CSHL1: variants seen among roughly 807,000 people sequenced by gnomAD.
CSHL1 encodes the protein chorionic somatomammotropin hormone like 1.
A neutral mutation model predicts 24.3 loss-of-function variants in CSHL1; 25 were observed. The observed-to-expected ratio is 1.03, with a 90% CI of 0.75 to 1.44. The LOEUF is 1.44. Ranked by LOEUF, CSHL1 falls within the 40% of genes most tolerant of loss-of-function variation. The pLI is 0.00. For missense variants in CSHL1, 342 were observed against 279.3 expected (o/e 1.22, Z -1.60); for synonymous variants, 157 against 115.6 (o/e 1.36, Z -2.30).
rs79392599 is a variant in CSHL1, at chr17:63,909,749, C to G, written c.631G>C (p.Val211Leu). The G allele has an allele frequency of 1.7e-5, 28 of 1,614,094 alleles. No homozygotes were observed. The highest frequency in any genetic ancestry group is 2.3e-5 in the Non-Finnish European group (27 of 1,180,018). Residue 211 changes from valine to leucine, a missense_variant, in exon 5 of 5, where the codon GTG becomes CTG. Coordinates refer to ENST00000309894, the MANE Select transcript of CSHL1 (RefSeq NM_022579.3). ...MDKVETFLRM[V>L]QCRSVEGSCG... Reference sequence around the variant, plus strand: ...CTGCCCTCCACAGAGCGGCACTGCACCATGCGCAGGAATGTCTCGACCTTG... The same window carrying G: ...CTGCCCTCCACAGAGCGGCACTGCAGCATGCGCAGGAATGTCTCGACCTTG...
In CSHL1 at chr17:63,910,551, A is replaced by AC. The variant is rs1055509378; in HGVS notation, c.191-17dup. 10 of 1,613,794 alleles carry AC rather than the reference A, an allele frequency of 6.2e-6. No individual in the cohort carries two copies. The highest frequency in any genetic ancestry group is 1.6e-4 in the Middle Eastern group (1 of 6,062). On this transcript the variant is annotated splice_polypyrimidine_tract_variant and intron_variant, in intron 2 of 4. Transcript: ENST00000309894. ...ATATAGGCTTCTTCCTAGGGGAAGG[A>AC]CCCCCCACCAAGAAGGACCACTGCT...
Position 63,910,406 on chromosome 17 carries a change from C to G in CSHL1, c.306+14G>C. The G allele has an allele frequency of 6.2e-7, 1 of 1,614,208 alleles. No homozygotes were observed. Among genetic ancestry groups the G allele is most frequent in the Non-Finnish European group, 8.5e-7 (1 of 1,180,038 alleles). ...CTCCCCCATCCCCGCCTAGGGGAGA[C>G]AGCATCCACTCACGGATTTCTGCTG... On this transcript the variant is annotated intron_variant, in intron 3 of 4. Coordinates refer to ENST00000309894, the MANE Select transcript of CSHL1 (RefSeq NM_022579.3).
Position 63,909,758 on chromosome 17 carries a change from G to A in CSHL1, c.622C>T (p.Leu208=). 6.8e-6 allele frequency: 11 copies of A among 1,614,136 alleles called. No individual in the cohort carries two copies. The highest frequency in any genetic ancestry group is 9.3e-6 in the Non-Finnish European group (11 of 1,180,010). ...ACAGAGCGGCACTGCACCATGCGCA[G>A]GAATGTCTCGACCTTGTCCATGTCC... The part of the protein sequence containing the change: ...RKDMDKVETF[L]RMVQCRSVEG... The change falls in exon 5 of 5, where the codon CTG becomes TTG. Residue 208 remains leucine (L), a synonymous_variant. Coordinates refer to ENST00000309894, the MANE Select transcript of CSHL1 (RefSeq NM_022579.3).
At position 63,909,841 on chromosome 17, in the gene CSHL1, T is replaced by C. The variant is rs1219261373; in HGVS notation, c.539A>G (p.Asn180Ser). The change falls in exon 5 of 5, where the codon AAC becomes AGC. Residue 180 changes from asparagine to serine, a missense_variant. Transcript: ENST00000309894. ...GAGCAGTGCGTCATGGTTGTGCGAG[T>C]TTGTGTCAAACTTGCTGTAGGTCTG... Reference protein sequence around the residue: ...LKQTYSKFDTNSHNHDALLKN... With the variant: ...LKQTYSKFDTSSHNHDALLKN... 6.2e-7 allele frequency: 1 copy of C among 1,613,768 alleles called. No individual in the cohort carries two copies. Among genetic ancestry groups the C allele is most frequent in the East Asian group, 2.2e-5 (1 of 44,866 alleles).
Position 63,910,149 on chromosome 17 carries a change from G to C in CSHL1, c.471+13C>G. On this transcript the variant is annotated intron_variant, in intron 4 of 4. Transcript: ENST00000309894. The stretch of plus-strand genomic sequence containing the variant: ...GGGCTTCCAGGATTGGGGACCCCTG[G>C]TGCCACCCTCACCCCCATCAGCATT... 1 of 1,614,138 alleles carries C rather than the reference G, an allele frequency of 6.2e-7. No homozygotes were observed. The highest frequency in any genetic ancestry group is 8.5e-7 in the Non-Finnish European group (1 of 1,180,018).
Position 63,910,222 on chromosome 17 carries a change from C to A in CSHL1, c.411G>T (p.Ser137=). Reference sequence around the variant, plus strand: ...TTAGGAGGTGATAGTCATCGCTGTCCGAGGTGTCATACACCAGGTTGTTGG... The same window carrying A: ...TTAGGAGGTGATAGTCATCGCTGTCAGAGGTGTCATACACCAGGTTGTTGG... ...TFTNNLVYDT[S]DSDDYHLLKD... is the part of the protein sequence containing the mutation. The change falls in exon 4 of 5, where the codon TCG becomes TCT. Residue 137 remains serine (S), a synonymous_variant. Coordinates refer to ENST00000309894, the MANE Select transcript of CSHL1 (RefSeq NM_022579.3). 1 of 1,613,996 alleles carries A rather than the reference C, an allele frequency of 6.2e-7. No individual in the cohort carries two copies. The highest frequency in any genetic ancestry group is 8.5e-7 in the Non-Finnish European group (1 of 1,180,008).
At chr17:63,911,067 A>G in intron 1 of CSHL1, 120 bp downstream of exon 1, 1 of 1,611,278 alleles carries the variant, frequency 6.2e-7, no homozygotes, top group Non-Finnish European at 8.5e-7. Context: ...ATCTGGCCTT[A>G]GATGGCGATA....
In CSHL1 at chr17:63,910,740, C is replaced by T. The variant is rs779899767; in HGVS notation, c.190+5G>A. ...TCACCCCTTCTTGCCACCCCTGACC[C>T]GCACCCATTCCCCAAGAGCTTATAA... On this transcript the variant is annotated splice_donor_5th_base_variant and intron_variant, in intron 2 of 4. Coordinates refer to ENST00000309894, the MANE Select transcript of CSHL1 (RefSeq NM_022579.3). The T allele has an allele frequency of 4.3e-5, 70 of 1,614,078 alleles. No homozygotes were observed. The highest frequency in any genetic ancestry group is 1.6e-4 in the Middle Eastern group (1 of 6,084).
Position 63,910,751 on chromosome 17 carries a change from C to T in CSHL1, c.184G>A (p.Gly62Arg). 1 of 1,614,228 alleles carries T rather than the reference C, an allele frequency of 6.2e-7. No homozygotes were observed. Among genetic ancestry groups the T allele is most frequent in the Non-Finnish European group, 8.5e-7 (1 of 1,180,048 alleles). Residue 62 changes from glycine to arginine, a missense_variant, in exon 2 of 5, where the codon GGA (glycine) becomes AGA (arginine). Physicochemically the swap from Gly to Arg is moderately radical, Grantham distance 125. Transcript: ENST00000309894. ...DTYQEFISSW[G>R]MEAYITKEQK... Reference sequence around the variant, plus strand: ...TGCCACCCCTGACCCGCACCCATTCCCCAAGAGCTTATAAACTCCTGGTAG... The same window carrying T: ...TGCCACCCCTGACCCGCACCCATTCTCCAAGAGCTTATAAACTCCTGGTAG...
intron 2 of CSHL1, 35 bp from the exon 3 acceptor site, chr17:63,910,570 C>T (rs780481706): frequency 1.1e-5 from 18 of 1,614,170 alleles, no homozygotes; most frequent in East Asian, 1.1e-4. Flanking sequence ...CAAGAAGGAC[C>T]ACTGCTTTCT....
rs1384547471 is a variant in CSHL1, at chr17:63,910,752, C to G, written c.183G>C (p.Trp61Cys). Residue 61 changes from tryptophan (W) to cysteine (C), a missense_variant, in exon 2 of 5, where the codon TGG becomes TGC. By Grantham distance (215) the Trp-to-Cys change is radical (BLOSUM62 -2). Transcript: ENST00000309894. ...GCCACCCCTGACCCGCACCCATTCC[C>G]CAAGAGCTTATAAACTCCTGGTAGG... ...IDTYQEFISS[W>C]GMEAYITKEQ... is the part of the protein sequence containing the mutation. 1.2e-6 allele frequency: 2 copies of G among 1,614,232 alleles called. No homozygotes were observed. The highest frequency in any genetic ancestry group is 1.7e-6 in the Non-Finnish European group (2 of 1,180,038).
chr17:63,910,602 T>C lies in CSHL1; in HGVS notation c.191-67A>G, dbSNP rs1483385606. 5.0e-6 allele frequency: 8 copies of C among 1,613,942 alleles called. No individual in the cohort carries two copies. In the South Asian group the frequency reaches 7.7e-5, roughly 16 times the overall value. On this transcript the variant is annotated intron_variant, in intron 2 of 4. Coordinates refer to ENST00000309894, the MANE Select transcript of CSHL1 (RefSeq NM_022579.3). The stretch of plus-strand genomic sequence containing the variant: ...TTCTATGCTGGAGACCAGCTCCCAC[T>C]GTTACTCTTCTGGGAACCTGGCTCA...
At chr17:63,911,091 G>A (rs1478482839) in intron 1 of CSHL1, 96 bp downstream of exon 1, 2 of 1,611,448 alleles carry the variant, frequency 1.2e-6, no homozygotes, top group South Asian at 1.1e-5. Flanking sequence ...ACATTCAGAA[G>A]CCCCAAACCT....
At position 63,909,717 on chromosome 17, in the gene CSHL1, G is replaced by C. The variant is rs772602032; in HGVS notation, c.663C>G (p.Gly221=). 1.9e-6 allele frequency: 3 copies of C among 1,614,172 alleles called. No homozygotes were observed. Among genetic ancestry groups the C allele is most frequent in the Non-Finnish European group, 2.5e-6 (3 of 1,180,038 alleles). ...CAGGATGCCACGCGGGCCCCTAGAA[G>C]CCACAGCTGCCCTCCACAGAGCGGC... The part of the protein sequence containing the change: ...VQCRSVEGSC[G]F The change falls in exon 5 of 5, where the codon GGC becomes GGG. Residue 221 remains glycine, a synonymous_variant. Transcript: ENST00000309894.
At chr17:63,910,053 T>G in intron 4 of CSHL1, 109 bp downstream of exon 4, 1 of 1,614,066 alleles carries the variant, frequency 6.2e-7, no homozygotes, top group Non-Finnish European at 8.5e-7. Flanking sequence ...TAAGGTGAGT[T>G]CTCTTGGGTC....
chr17:63,910,510 C>G lies in CSHL1; in HGVS notation c.216G>C (p.Lys72Asn), dbSNP rs772455421. Residue 72 changes from lysine (K) to asparagine (N), a missense_variant, in exon 3 of 5, where the codon AAG becomes AAC. Transcript: ENST00000309894. ...TCTGGGAGTCATGCAGGAATGAATA[C>G]TTCTGTTCCTTTGTGATATAGGCTT... ...GMEAYITKEQKYSFLHDSQTS... is the reference protein window; with the variant it reads ...GMEAYITKEQNYSFLHDSQTS... The G allele has an allele frequency of 1.1e-5, 17 of 1,614,174 alleles. No homozygotes were observed. The Middle Eastern group carries it at 8.2e-4, about 78-fold the overall frequency.
chr17:63,910,706 G>C, intron 2 of CSHL1, 39 bp downstream of exon 2: 2 of 1,614,174 alleles, frequency 1.2e-6, no homozygotes, highest in Non-Finnish European at 1.7e-6. Flanking sequence ...CTTCCCCAGT[G>C]GGGGAAAGTC....
intron 3 of CSHL1, 30 bp downstream of exon 3, chr17:63,910,390 C>T: frequency 6.2e-7 from 1 of 1,614,190 alleles, no homozygotes; most frequent in Non-Finnish European, 8.5e-7. Context: ...TCTCCCCCAT[C>T]CCCGCCTAGG....
intron 4 of CSHL1, 104 bp downstream of exon 4, chr17:63,910,058 T>G (rs770617571): frequency 6.2e-7 from 1 of 1,614,102 alleles, no homozygotes; most frequent in South Asian, 1.1e-5. Flanking sequence ...TGAGTTCTCT[T>G]GGGTCAGCGC....
Sources: allele counts gnomAD v4.1 joint callset, GRCh38; gene constraint gnomAD v4.1.1; transcripts MANE v1.5; gene names NCBI Gene and HGNC (gene_info 2026-07-23, HGNC 2026-07-21).